The following ZDHHC15 variants were observed in gnomAD, a reference collection of about 807,000 sequenced individuals.
ZDHHC15 encodes the protein zDHHC palmitoyltransferase 15, also known as palmitoyltransferase ZDHHC15.
In ZDHHC15, 19 loss-of-function variants were observed where a neutral mutation model predicts 31.7. The ratio of observed to expected loss-of-function variants is 0.60; its 90% CI spans 0.42 to 0.88. The LOEUF (loss-of-function observed/expected upper bound fraction) is 0.88. Ranked by LOEUF, ZDHHC15 falls within the 40% of genes least tolerant of loss-of-function variation. The pLI, the probability that ZDHHC15 is intolerant of heterozygous loss-of-function variation, is 0.00. For missense variants in ZDHHC15, 209 were observed against 251.2 expected (o/e 0.83, Z 1.14); for synonymous variants, 103 against 90.0 (o/e 1.14, Z -0.82).
chrX:75,518,806 TACACACACAC>T (rs57864438), intron 1 of ZDHHC15, among the ~76,000 whole-genome samples: 743 of 22,850 alleles, frequency 0.033, 16 homozygotes, highest in African/African-American at 0.054. Flanking sequence ...TATATATATA[TACACACACAC>T]ACACACACAC....
chrX:75,515,126 ACCCGAATTCTACC>A (rs1171559944), intron 1 of ZDHHC15, among the ~76,000 whole-genome samples: 1 of 111,388 alleles, frequency 9.0e-6, no homozygotes, highest in Admixed American at 9.5e-5. Flanking sequence ...ATGGATTCAT[ACCCGAATTCTACC>A]AGAGGTACAA....
intron 4 of ZDHHC15, among the ~76,000 whole-genome samples, chrX:75,446,223 G>A (rs1404153686): frequency 8.9e-6 from 1 of 111,934 alleles, no homozygotes; most frequent in Non-Finnish European, 1.9e-5. Flanking sequence ...TGATTTTAAT[G>A]TTGCAGCTCA....
At chrX:75,377,824 A>G (rs888478177) in intron 11 of ZDHHC15, among the ~76,000 whole-genome samples, 1 of 111,586 alleles carries the variant, frequency 9.0e-6, no homozygotes, top group African/African-American at 3.2e-5. Context: ...GAGAATTCCT[A>G]CACTAAAGCC....
chrX:75,422,209 A>G (rs1340932679), intron 8 of ZDHHC15, among the ~76,000 whole-genome samples: 1 of 112,073 alleles, frequency 8.9e-6, no homozygotes, highest in Non-Finnish European at 1.9e-5. Flanking sequence ...CTGCATATAA[A>G]GAATTAGAAC....
chrX:75,392,722 G>A, intron 10 of ZDHHC15, among the ~76,000 whole-genome samples: 1 of 112,015 alleles, frequency 8.9e-6, no homozygotes, highest in Non-Finnish European at 1.9e-5. Flanking sequence ...ACATGATAAA[G>A]GAGAAAGGAA....
intron 3 of ZDHHC15, among the ~76,000 whole-genome samples, chrX:75,463,492 C>A (rs887772081): frequency 4.5e-5 from 5 of 110,358 alleles, no homozygotes; most frequent in Non-Finnish European, 9.5e-5. Flanking sequence ...AGTGAACAGG[C>A]AACCTACAGA....
At chrX:75,377,084 G>C (rs2083068065) in intron 11 of ZDHHC15, among the ~76,000 whole-genome samples, 1 of 111,371 alleles carries the variant, frequency 9.0e-6, no homozygotes, top group Admixed American at 9.6e-5. Context: ...TTTTCAGTTT[G>C]GAGCTTTTTA....
chrX:75,379,266 G>A, intron 10 of ZDHHC15, 68 bp from the exon 11 acceptor site: 1 of 1,119,463 alleles, frequency 8.9e-7, no homozygotes, highest in Non-Finnish European at 1.2e-6. Context: ...TTCATTCACT[G>A]GCAGTTTTCC....
At chrX:75,451,267 T>C (rs750313373) in intron 3 of ZDHHC15, among the ~76,000 whole-genome samples, 52 of 112,065 alleles carry the variant, frequency 4.6e-4, no homozygotes, top group African/African-American at 1.6e-3. Context: ...CATAATATGA[T>C]GTTGCATACA....
intron 6 of ZDHHC15, 73 bp downstream of exon 6, chrX:75,429,875 A>G (rs2083757715): frequency 4.8e-6 from 5 of 1,050,262 alleles, no homozygotes; most frequent in Non-Finnish European, 6.5e-6. Context: ...TGTGACAACT[A>G]TGCTTAGAAA....
intron 10 of ZDHHC15, among the ~76,000 whole-genome samples, chrX:75,411,406 G>T (rs1359889145): frequency 9.0e-6 from 1 of 111,519 alleles, no homozygotes; most frequent in African/African-American, 3.3e-5. Flanking sequence ...TAGAGATGGG[G>T]TTTCACCCTG....
At chrX:75,501,267 C>T (rs2085082573) in intron 2 of ZDHHC15, among the ~76,000 whole-genome samples, 1 of 111,021 alleles carries the variant, frequency 9.0e-6, no homozygotes, top group African/African-American at 3.3e-5. Flanking sequence ...ATCCATGTTC[C>T]CACAAAAGAC....
chrX:75,478,837 G>T, intron 3 of ZDHHC15, 54 bp downstream of exon 3: 3 of 955,910 alleles, frequency 3.1e-6, no homozygotes, highest in Non-Finnish European at 4.4e-6. Flanking sequence ...TTGCTTTATT[G>T]TCACTTCTAC....
At chrX:75,424,965 C>G (rs946989216) in intron 7 of ZDHHC15, among the ~76,000 whole-genome samples, 181 bp from the exon 8 acceptor site, 3 of 111,142 alleles carry the variant, frequency 2.7e-5, no homozygotes, top group Non-Finnish European at 5.7e-5. Context: ...TGAGTGTGCT[C>G]TCAGCCTACA....
At chrX:75,387,682 C>G (rs1032747692) in intron 10 of ZDHHC15, among the ~76,000 whole-genome samples, 27 of 111,569 alleles carry the variant, frequency 2.4e-4, no homozygotes, top group African/African-American at 8.5e-4. Flanking sequence ...AAACATCAAA[C>G]GTAAGAATTA....
At chrX:75,464,270 C>A (rs1391034674) in intron 3 of ZDHHC15, among the ~76,000 whole-genome samples, 1 of 110,387 alleles carries the variant, frequency 9.1e-6, no homozygotes, top group Non-Finnish European at 1.9e-5. Context: ...GAACGTCACA[C>A]ACCGGGGCCT....
At chrX:75,406,363 T>G (rs1226610775) in intron 10 of ZDHHC15, among the ~76,000 whole-genome samples, 2 of 110,612 alleles carry the variant, frequency 1.8e-5, no homozygotes, top group Non-Finnish European at 3.8e-5. Flanking sequence ...CAGAAACAAA[T>G]AAAATTAATA....
At chrX:75,489,783 G>A (rs1368283600) in intron 2 of ZDHHC15, among the ~76,000 whole-genome samples, 4 of 111,669 alleles carry the variant, frequency 3.6e-5, no homozygotes, top group South Asian at 7.6e-4. Flanking sequence ...TCAGACAATC[G>A]AACTACTCCG....
chrX:75,429,907 T>C (rs1325900770), intron 6 of ZDHHC15, 41 bp downstream of exon 6: 11 of 1,188,467 alleles, frequency 9.3e-6, no homozygotes, highest in Non-Finnish European at 1.2e-5. Context: ...TTGAGCAACT[T>C]TGACCCCTTT....
Sources: allele counts gnomAD v4.1 joint callset (sites outside exome capture counted in the v4.1 genomes callset), GRCh38; gene constraint gnomAD v4.1.1; transcripts MANE v1.5; gene names NCBI Gene and HGNC (gene_info 2026-07-23, HGNC 2026-07-21).